The following WDR44 variants were observed in gnomAD, a reference collection of about 807,000 sequenced individuals.
The protein encoded by WDR44 is WD repeat-containing protein 44.
WDR44 carries 9 observed loss-of-function variants against 65.7 expected under a neutral mutation model. The observed-to-expected ratio is 0.14, with a 90% CI of 0.08 to 0.24. WDR44 has a LOEUF of 0.24. WDR44 is among the 10% of genes least tolerant of loss of function. The pLI is 1.00. For synonymous variants in WDR44, 220 were observed against 235.2 expected (o/e 0.94, Z 0.59); for missense variants, 425 against 670.9 (o/e 0.63, Z 4.05).
chrX:118,375,015 TAC>T (rs1173301450), intron 1 of WDR44, among the ~76,000 whole-genome samples: 4 of 111,958 alleles, frequency 3.6e-5, no homozygotes, highest in African/African-American at 1.3e-4. Flanking sequence ...GTATAGTTTG[TAC>T]ACAGTTATAT....
chrX:118,421,435 T>C (rs759548862), intron 12 of WDR44, among the ~76,000 whole-genome samples: 5 of 111,811 alleles, frequency 4.5e-5, no homozygotes, highest in African/African-American at 6.5e-5. Flanking sequence ...TCATTTTATT[T>C]GGGGACAGTT....
chrX:118,375,973 G>A (rs751069255), intron 1 of WDR44, among the ~76,000 whole-genome samples: 2 of 112,069 alleles, frequency 1.8e-5, no homozygotes, highest in South Asian at 7.4e-4. Context: ...TTTGAGACAA[G>A]GTCTCGCTCT....
intron 14 of WDR44, 82 bp downstream of exon 14, chrX:118,436,906 CA>C: frequency 3.2e-6 from 3 of 951,765 alleles, no homozygotes; most frequent in Non-Finnish European, 4.2e-6. Flanking sequence ...AATTGGACTA[CA>C]GGAAAAAAAT....
intron 1 of WDR44, among the ~76,000 whole-genome samples, chrX:118,351,747 C>T (rs910344252): frequency 2.7e-5 from 3 of 110,455 alleles, no homozygotes; most frequent in African/African-American, 9.9e-5. Flanking sequence ...GTCAGGAGTT[C>T]GAGACCAGCC....
At chrX:118,446,785 C>CT (rs1462514311) in intron 19 of WDR44, among the ~76,000 whole-genome samples, 1 of 111,788 alleles carries the variant, frequency 8.9e-6, no homozygotes, top group Non-Finnish European at 1.9e-5. Flanking sequence ...TGTCTGTTTT[C>CT]TTTTTCTTTC....
intron 1 of WDR44, among the ~76,000 whole-genome samples, chrX:118,366,336 A>T (rs1296902160): frequency 9.0e-6 from 1 of 111,332 alleles, no homozygotes; most frequent in Non-Finnish European, 1.9e-5. Flanking sequence ...AGCCTTTCTG[A>T]TAATGTTCTT....
At position 118,449,498 on chromosome X, in the gene WDR44, A is replaced by G. The variant is rs190859966; in HGVS notation, c.*511A>G. The G allele has an allele frequency of 9.9e-5, 11 of 111,653 alleles. No individual in the cohort carries two copies. The highest frequency in any genetic ancestry group is 1.7e-4 in the Non-Finnish European group (9 of 53,074). 9.2% of individuals were successfully genotyped at this position (111,653 alleles called of 1,213,427 possible). A position where few individuals can be genotyped will look rare whatever the true frequency, so the allele number is the denominator to read the frequency against. ...AGGTTTCCAGTAGGTCAACAACCAT[A>G]TGTAAATGGTTTTTATAAATTTCTC... On this transcript the variant is annotated 3_prime_UTR_variant, in exon 20 of 20. Transcript: ENST00000254029.
At chrX:118,444,602 T>G in intron 19 of WDR44, 108 bp downstream of exon 19, 1 of 950,925 alleles carries the variant, frequency 1.1e-6, no homozygotes, top group East Asian at 3.4e-5. Flanking sequence ...ATTTCTTTTT[T>G]CTTTTTTCTT....
At chrX:118,404,763 C>T (rs5956970) in intron 9 of WDR44, among the ~76,000 whole-genome samples, 29,017 of 110,213 alleles carry the variant, frequency 0.26, 3,147 homozygotes, top group African/African-American at 0.39. Flanking sequence ...TGCAGTGGCG[C>T]GATCTCGGCT....
chrX:118,390,430 A>G (rs1323421721), intron 3 of WDR44, among the ~76,000 whole-genome samples: 2 of 111,771 alleles, frequency 1.8e-5, no homozygotes, highest in African/African-American at 6.5e-5. Flanking sequence ...TATCTGGTGT[A>G]GAGAAAATAA....
chrX:118,346,330 C>G lies in WDR44; in HGVS notation c.-174C>G. The G allele has an allele frequency of 4.6e-6, 2 of 432,731 alleles. No homozygotes were observed. The highest frequency in any genetic ancestry group is 8.6e-5 in the Admixed American group (2 of 23,179). 35.7% of individuals were successfully genotyped at this position (432,731 alleles called of 1,213,427 possible). On this transcript the variant is annotated 5_prime_UTR_variant, in exon 1 of 20. Transcript: ENST00000254029. The stretch of plus-strand genomic sequence containing the variant: ...GCCGGTCATTCCCGAAGCCCGGCAA[C>G]TGAGGGCGGCCCCCTTTCCTTAACA...
chrX:118,368,614 G>T (rs6645484), intron 1 of WDR44, among the ~76,000 whole-genome samples: 5,581 of 105,519 alleles, frequency 0.053, 325 homozygotes, highest in East Asian at 0.25. Flanking sequence ...AGGTTTGCAT[G>T]ACATCACAGG....
At chrX:118,436,517 G>A (rs1419284183) in intron 13 of WDR44, 185 bp from the exon 14 acceptor site, 3 of 549,949 alleles carry the variant, frequency 5.5e-6, no homozygotes, top group South Asian at 4.7e-5. Context: ...AGTGAAATAT[G>A]GTACTTAACT....
intron 12 of WDR44, among the ~76,000 whole-genome samples, chrX:118,431,172 G>A (rs984000305): frequency 2.7e-5 from 3 of 111,581 alleles, no homozygotes; most frequent in African/African-American, 9.8e-5. Context: ...TTACATTACT[G>A]CCCAGAGTTC....
chrX:118,395,443 G>T, intron 6 of WDR44, 99 bp downstream of exon 6: 2 of 652,713 alleles, frequency 3.1e-6, no homozygotes, highest in Admixed American at 6.9e-5. Context: ...AATGATGGTT[G>T]CATGACAATG....
At chrX:118,444,554 C>T in intron 19 of WDR44, 60 bp downstream of exon 19, 1 of 1,125,313 alleles carries the variant, frequency 8.9e-7, no homozygotes, top group African/African-American at 1.8e-5. Flanking sequence ...TCATTTATCT[C>T]ATTTGAGTAT....
At chrX:118,356,352 G>A (rs1232567926) in intron 1 of WDR44, among the ~76,000 whole-genome samples, 1 of 108,041 alleles carries the variant, frequency 9.3e-6, no homozygotes, top group African/African-American at 3.4e-5. Flanking sequence ...GCTGATTTGG[G>A]TTTCAGTGCC....
intron 3 of WDR44, among the ~76,000 whole-genome samples, chrX:118,388,492 G>A (rs765395590): frequency 3.9e-4 from 43 of 110,816 alleles, no homozygotes; most frequent in Non-Finnish European, 6.6e-4. Context: ...TGTTTCCCAG[G>A]CTGGTCTTGA....
rs141955429 is a variant in WDR44 at position 118,350,139 on chromosome X, C to G, written c.77+3559C>G. Among the ~76,000 whole-genome samples the G allele has an allele frequency of 1.4e-3, 157 of 111,937 alleles. 1 individual carries two copies. Among genetic ancestry groups the G allele is most frequent in the East Asian group, 5.3e-3 (19 of 3,589 alleles). ...CTTGGCAAGAAATTCCACTTTCTTT[C>G]AGCAACGTGTATTTTTGTTTTGTCA... On this transcript the variant is annotated intron_variant, in intron 1 of 19. Coordinates refer to ENST00000254029, the MANE Select transcript of WDR44 (RefSeq NM_019045.5).
Sources: allele counts gnomAD v4.1 joint callset (sites outside exome capture counted in the v4.1 genomes callset), GRCh38; gene constraint gnomAD v4.1.1; transcripts MANE v1.5; gene names NCBI Gene and HGNC (gene_info 2026-07-23, HGNC 2026-07-21).